SIK3: variants seen among roughly 807,000 people sequenced by gnomAD.
SIK3 encodes serine/threonine-protein kinase SIK3.
In SIK3, 28 loss-of-function variants were observed where a neutral mutation model predicts 144.2. The ratio of observed to expected loss-of-function variants is 0.19; its 90% CI spans 0.14 to 0.27. The LOEUF (loss-of-function observed/expected upper bound fraction) is 0.27, where lower values mean the gene tolerates loss of function less well. Among genes scored for constraint, SIK3 ranks in the 10% least tolerant of loss-of-function variants. The pLI is 1.00. For missense variants in SIK3, 1,319 were observed against 1,776.0 expected (o/e 0.74, Z 4.62); for synonymous variants, 686 against 676.3 (o/e 1.01, Z -0.22).
At chr11:117,094,794 G>C (rs575435211) in intron 1 of SIK3, among the ~76,000 whole-genome samples, 2 of 151,426 alleles carry the variant, frequency 1.3e-5, no homozygotes, top group South Asian at 4.2e-4. Flanking sequence ...AACAGAGCCA[G>C]AGAACCTCAG....
At chr11:117,014,423 TTA>T (rs1326156552) in intron 1 of SIK3, among the ~76,000 whole-genome samples, 2 of 152,100 alleles carry the variant, frequency 1.3e-5, no homozygotes, top group African/African-American at 4.8e-5. Flanking sequence ...CTTTATGACT[TTA>T]TGTCATAACT....
In SIK3 at chr11:116,941,891, C is replaced by A. The variant is rs1354824774; in HGVS notation, c.454+12153G>T. Among the ~76,000 whole-genome samples the A allele has an allele frequency of 2.0e-5, 3 of 152,168 alleles. No homozygotes were observed. In the East Asian group the frequency reaches 5.8e-4, roughly 29 times the overall value. On this transcript the variant is annotated intron_variant, in intron 3 of 24. Coordinates refer to ENST00000445177, the MANE Select transcript of SIK3 (RefSeq NM_001366686.3). ...TTTAAATTATAAATTTAGTGGTTTA[C>A]AAAACTAACCAGTTTCTCAATTCTG...
intron 17 of SIK3, 89 bp downstream of exon 17, chr11:116,862,113 C>T: frequency 6.3e-7 from 1 of 1,578,820 alleles, no homozygotes; most frequent in Non-Finnish European, 8.7e-7. Flanking sequence ...ATCCACTTTG[C>T]ACTGAGTGGT....
intron 1 of SIK3, among the ~76,000 whole-genome samples, chr11:117,018,931 T>A (rs530314959): frequency 6.6e-6 from 1 of 151,836 alleles, no homozygotes; most frequent in Admixed American, 6.6e-5. Flanking sequence ...AGGCTGGTCT[T>A]GAACTCCTGA....
intron 1 of SIK3, among the ~76,000 whole-genome samples, chr11:117,080,955 A>G (rs1283385732): frequency 6.6e-6 from 1 of 152,146 alleles, no homozygotes; most frequent in Admixed American, 6.6e-5. Context: ...CAAAAAAATA[A>G]AACAATATCT....
chr11:117,095,901 T>G (rs1047450883), intron 1 of SIK3, among the ~76,000 whole-genome samples: 2 of 152,216 alleles, frequency 1.3e-5, no homozygotes, highest in African/African-American at 4.8e-5. Flanking sequence ...CATTCAAGAC[T>G]TTGAATATTT....
At chr11:116,869,269 GTT>G (rs1378555153) in intron 14 of SIK3, 3 of 152,262 alleles carry the variant, frequency 2.0e-5, no homozygotes, top group African/African-American at 7.2e-5. Context: ...GTTTGCCATG[GTT>G]TTCTTTCCAC....
At chr11:117,058,100 G>C (rs919822425) in intron 1 of SIK3, among the ~76,000 whole-genome samples, 1 of 152,144 alleles carries the variant, frequency 6.6e-6, no homozygotes, top group African/African-American at 2.4e-5. Flanking sequence ...AGAGAAAAGA[G>C]CATATACAAA....
intron 1 of SIK3, among the ~76,000 whole-genome samples, chr11:117,087,738 A>G (rs1226363157): frequency 6.6e-6 from 1 of 152,216 alleles, no homozygotes; most frequent in African/African-American, 2.4e-5. Flanking sequence ...GTGGCAATAT[A>G]CATATTAGGT....
intron 1 of SIK3, among the ~76,000 whole-genome samples, chr11:117,070,015 G>C (rs1314601827): frequency 6.6e-6 from 1 of 152,192 alleles, no homozygotes; most frequent in Admixed American, 6.5e-5. Context: ...CTAAGGCATA[G>C]TGATAGGGCA....
At position 116,847,617 on chromosome 11, in the gene SIK3, A is replaced by G; in HGVS notation, c.3820-9T>C. On this transcript the variant is annotated splice_polypyrimidine_tract_variant and intron_variant, in intron 22 of 24. Coordinates refer to ENST00000445177, the MANE Select transcript of SIK3 (RefSeq NM_001366686.3). ...AAGTTATCCAGCTGTACCTGCAGAA[A>G]ACAGTTAAGAGAAGAAATAAGCACA... 1 of 1,614,088 alleles carries G rather than the reference A, an allele frequency of 6.2e-7. No homozygotes were observed. The highest frequency in any genetic ancestry group is 1.1e-5 in the South Asian group (1 of 91,084).
At chr11:116,863,039 A>C (rs1349902937) in intron 16 of SIK3, among the ~76,000 whole-genome samples, 2 of 150,674 alleles carry the variant, frequency 1.3e-5, no homozygotes, top group African/African-American at 2.4e-5. Flanking sequence ...GTGCCACTGC[A>C]CTCCAGCCTG....
chr11:117,050,675 G>A (rs1215192643), intron 1 of SIK3, among the ~76,000 whole-genome samples: 3 of 151,936 alleles, frequency 2.0e-5, no homozygotes, highest in Non-Finnish European at 2.9e-5. Context: ...CAACAAGAGT[G>A]AGACTTCATC....
rs1943179913 is a variant in SIK3, at chr11:116,859,388, A to G, written c.2642T>C (p.Ile881Thr). 2 of 1,614,124 alleles carry G rather than the reference A, an allele frequency of 1.2e-6. No individual in the cohort carries two copies. Among genetic ancestry groups the G allele is most frequent in the Middle Eastern group, 1.6e-4 (1 of 6,062 alleles). Residue 881 changes from isoleucine to threonine, a missense_variant, in exon 20 of 25, where the codon ATC (isoleucine) becomes ACC (threonine). Ile to Thr is a moderately conservative substitution (Grantham distance 89). This residue lies in a region of SIK3 where 646 missense variants were observed against 763.7 expected (regional missense o/e 0.85). Coordinates refer to ENST00000445177, the MANE Select transcript of SIK3 (RefSeq NM_001366686.3). Reference protein sequence around the residue: ...GTAAGSSGRGISISPSAGQMQ... With the variant: ...GTAAGSSGRGTSISPSAGQMQ... ...CTGACCAGCACTGGGGCTGATGGAG[A>G]TGCCGCGCCCACTGGAGCCTGCAGC...
At chr11:116,981,246 C>G (rs150681607) in intron 1 of SIK3, among the ~76,000 whole-genome samples, 160 of 152,326 alleles carry the variant, frequency 1.1e-3, no homozygotes, top group African/African-American at 3.8e-3. Flanking sequence ...ACTGAAGGAT[C>G]CACTTGCAGG....
intron 4 of SIK3, among the ~76,000 whole-genome samples, chr11:116,917,976 C>T (rs189507097): frequency 6.6e-5 from 10 of 152,066 alleles, no homozygotes; most frequent in Non-Finnish European, 1.2e-4. Context: ...AATAAAATGC[C>T]GATAAAATTA....
At position 116,844,619 on chromosome 11, in the gene SIK3, A is replaced by ATATATATATTATATATATATTATATAT. The variant is rs1565345209; in HGVS notation, c.*1023_*1024insATATATAATATATATATAATATATATA. 431 of 40,356 alleles carry ATATATATATTATATATATATTATATAT rather than the reference A, an allele frequency of 0.011. 5 individuals carry two copies. Among genetic ancestry groups the ATATATATATTATATATATATTATATAT allele is most frequent in the Non-Finnish European group, 0.016 (325 of 20,916 alleles). 2.5% of individuals were successfully genotyped at this position (40,356 alleles called of 1,614,324 possible). A position where few individuals can be genotyped will look rare whatever the true frequency, so the allele number is the denominator to read the frequency against. On this transcript the variant is annotated 3_prime_UTR_variant, in exon 25 of 25. Transcript: ENST00000445177. The stretch of plus-strand genomic sequence containing the variant: ...ATTTTATATATATATTATATATATA[A>ATATATATATTATATATATATTATATAT]TATATATATAATATATTATATTATA...
In SIK3 at chr11:116,912,369, C is replaced by T. The variant is rs181440054; in HGVS notation, c.616+14850G>A. Among the ~76,000 whole-genome samples the T allele has an allele frequency of 6.0e-4, 91 of 152,246 alleles. 1 individual carries two copies. Among genetic ancestry groups the T allele is most frequent in the African/African-American group, 1.9e-3 (77 of 41,534 alleles). ...TATGTGGTAAGGGAAAAGAGCAAAA[C>T]GGGCGGCATTAATTTATAAATCAGG... On this transcript the variant is annotated intron_variant, in intron 4 of 24. Transcript: ENST00000445177.
intron 6 of SIK3, among the ~76,000 whole-genome samples, chr11:116,887,015 G>A (rs1591470484): frequency 6.6e-6 from 1 of 152,114 alleles, no homozygotes; most frequent in African/African-American, 2.4e-5. Context: ...TTTACTTAAG[G>A]AATAGGAAGC....
Sources: allele counts gnomAD v4.1 joint callset (sites outside exome capture counted in the v4.1 genomes callset), GRCh38; gene constraint gnomAD v4.1.1; regional missense constraint gnomAD v4.1.1; transcripts MANE v1.5; gene names NCBI Gene and HGNC (gene_info 2026-07-23, HGNC 2026-07-21).